Variants in PROM1 observed in about 807,000 individuals in gnomAD.
PROM1 encodes prominin-1.
A neutral mutation model predicts 116.9 loss-of-function variants in PROM1; 105 were observed. The observed-to-expected ratio is 0.90, with a 90% confidence interval of 0.77 to 1.06. The LOEUF (loss-of-function observed/expected upper bound fraction) is 1.06. Ranked by LOEUF, PROM1 falls within the 50% of genes least tolerant of loss-of-function variation. The pLI is 0.00. For missense variants in PROM1, 1,122 were observed against 1,045.2 expected (o/e 1.07, Z -1.01); for synonymous variants, 393 against 387.0 (o/e 1.02, Z -0.18).
chr4:16,065,800 G>A (rs1020843415), intron 2 of PROM1, among the ~76,000 whole-genome samples: 4 of 152,194 alleles, frequency 2.6e-5, no homozygotes, highest in African/African-American at 9.6e-5. Flanking sequence ...AGGCTGAATG[G>A]TGTTCCCCAA....
rs1213718394 is a variant in PROM1 at position 15,980,526 on chromosome 4, C to A, written c.2385G>T (p.Trp795Cys). The change falls in exon 24 of 28, where the codon TGG becomes TGT. Residue 795 changes from tryptophan to cysteine, a missense_variant. Physicochemically the swap from Trp to Cys is radical, Grantham distance 215 (BLOSUM62 -2). Coordinates refer to ENST00000447510, the MANE Select transcript of PROM1 (RefSeq NM_006017.3). Reference sequence around the variant, plus strand: ...ATACAGTAGCTTTTCCTATGCCAAACCAAAACAAATTCTAGGAAAAAAAAA... The same window carrying A: ...ATACAGTAGCTTTTCCTATGCCAAAACAAAACAAATTCTAGGAAAAAAAAA... ...SYIIDPLNLF[W>C]FGIGKATVFL... 6.5e-7 allele frequency: 1 copy of A among 1,529,126 alleles called. No individual in the cohort carries two copies. Among genetic ancestry groups the A allele is most frequent in the South Asian group, 1.2e-5 (1 of 82,152 alleles). 94.7% of individuals were successfully genotyped at this position (1,529,126 alleles called of 1,614,324 possible).
chr4:16,039,004 G>A lies in PROM1; in HGVS notation c.221-3C>T. On this transcript the variant is annotated splice_region_variant and splice_polypyrimidine_tract_variant and intron_variant, in intron 2 of 27. Transcript: ENST00000447510. ...CTGTAAGAATTTTCTCAAAGTATCT[G>A]GAAAAAAAGCCACAAAATAGCAATA... 1.0e-5 allele frequency: 15 copies of A among 1,469,906 alleles called. No individual in the cohort carries two copies. Among genetic ancestry groups the A allele is most frequent in the South Asian group, 7.7e-5 (5 of 65,206 alleles). 91.1% of individuals were successfully genotyped at this position (1,469,906 alleles called of 1,614,324 possible).
rs200422423 is a variant in PROM1, at chr4:16,013,288, C to T, written c.1128G>A (p.Thr376=). 1.4e-4 allele frequency: 231 copies of T among 1,607,834 alleles called. 1 individual carries two copies. The African/African-American group carries it at 2.4e-3, about 17-fold the overall frequency. ...TGTGAATCTCACCTGCTACGACAGT[C>T]GTGGTTTGGCGTTGTACTCTGTCAG... ...DIPDRVQRQT[T]TVVAGIKRVL... The change falls in exon 11 of 28, where the codon ACG becomes ACA. Residue 376 remains threonine (T), a synonymous_variant. Coordinates refer to ENST00000447510, the MANE Select transcript of PROM1 (RefSeq NM_006017.3).
At chr4:16,037,970 A>G (rs953096291) in intron 3 of PROM1, 2 of 152,170 alleles carry the variant, frequency 1.3e-5, no homozygotes, top group Non-Finnish European at 2.9e-5. Context: ...TCAGGCCCCA[A>G]CTTACCTTTT....
At chr4:16,025,406 G>A in intron 5 of PROM1, 94 bp from the exon 6 acceptor site, 1 of 1,472,236 alleles carries the variant, frequency 6.8e-7, no homozygotes, top group Non-Finnish European at 9.3e-7. Context: ...TCAGGGAGGA[G>A]CCCGCAGAAG....
At chr4:16,033,254 C>T (rs745814078) in intron 5 of PROM1, 50 bp downstream of exon 5, 25 of 1,472,176 alleles carry the variant, frequency 1.7e-5, no homozygotes, top group African/African-American at 7.0e-5. Context: ...ATGTGAGACA[C>T]TCTTCATCAG....
chr4:16,074,256 G>C (rs929537063), intron 2 of PROM1, among the ~76,000 whole-genome samples: 1 of 96,508 alleles, frequency 1.0e-5, no homozygotes, highest in Non-Finnish European at 2.6e-5. Context: ...TGTTTGAGGA[G>C]ATAGATACAC....
chr4:16,032,550 T>C (rs1012017631), intron 5 of PROM1, among the ~76,000 whole-genome samples: 1 of 152,218 alleles, frequency 6.6e-6, no homozygotes, highest in Non-Finnish European at 1.5e-5. Context: ...TGATTTCTGC[T>C]GCTGCATGAA....
At chr4:16,004,876 TCTCTCTCTCTCCCTCCCC>T (rs1560460770) in intron 13 of PROM1, among the ~76,000 whole-genome samples, 1 of 125,614 alleles carries the variant, frequency 8.0e-6, no homozygotes, top group Non-Finnish European at 1.7e-5. Flanking sequence ...TCTCTCCCTC[TCTCTCTCTCTCCCTCCCC>T]CTCTCTCTCT....
chr4:16,059,287 A>G (rs956032636), intron 2 of PROM1, among the ~76,000 whole-genome samples: 2 of 152,220 alleles, frequency 1.3e-5, no homozygotes, highest in African/African-American at 4.8e-5. Context: ...TTCCATGTAC[A>G]TAAAATAGAA....
intron 22 of PROM1, 106 bp downstream of exon 22, chr4:15,985,654 A>G: frequency 1.1e-6 from 1 of 912,462 alleles, no homozygotes; most frequent in Non-Finnish European, 1.7e-6. Flanking sequence ...CTTACTTCCT[A>G]CCAAATTATG....
At chr4:15,993,094 A>T (rs1721472552) in intron 16 of PROM1, among the ~76,000 whole-genome samples, 1 of 152,178 alleles carries the variant, frequency 6.6e-6, no homozygotes, top group South Asian at 2.1e-4. Flanking sequence ...ATATGTATGG[A>T]CTATTTAGGG....
intron 2 of PROM1, among the ~76,000 whole-genome samples, chr4:16,046,263 C>G (rs1407529849): frequency 6.6e-6 from 1 of 152,180 alleles, no homozygotes; most frequent in Non-Finnish European, 1.5e-5. Flanking sequence ...ATGTGGCCAC[C>G]AGCACTTTCT....
At chr4:15,996,411 G>A (rs1722345300) in intron 15 of PROM1, among the ~76,000 whole-genome samples, 4 of 152,160 alleles carry the variant, frequency 2.6e-5, no homozygotes, top group Admixed American at 2.6e-4. Context: ...TCAGGAGGCT[G>A]AGGCAGGAGA....
In PROM1 at chr4:15,980,457, G is replaced by C. The variant is rs147880953; in HGVS notation, c.2454C>G (p.Tyr818Ter). ...CGTCCTCCGAATCCATTCGACGATA[G>C]TACTTAGCCAGTTTTACCGCAAAAA... ...ALIFAVKLAK[Y>*]YRRMDSEDVY... The change falls in exon 24 of 28, where the codon TAC (tyrosine) becomes TAG (stop). Residue 818 changes from tyrosine to a stop codon, truncating the protein, a stop_gained. Transcript: ENST00000447510. LOFTEE classifies it high-confidence loss of function. 2 of 1,555,902 alleles carry C rather than the reference G, an allele frequency of 1.3e-6. No individual in the cohort carries two copies. The highest frequency in any genetic ancestry group is 4.8e-5 in the East Asian group (2 of 41,698).
chr4:16,033,579 CA>C (rs1733267056), intron 4 of PROM1, 70 bp from the exon 5 acceptor site: 1 of 337,506 alleles, frequency 3.0e-6, no homozygotes, highest in Admixed American at 6.2e-5. Context: ...CCATGGTGTA[CA>C]AAGTTCTTTT....
intron 5 of PROM1, among the ~76,000 whole-genome samples, chr4:16,031,581 T>C (rs1016768950): frequency 1.3e-5 from 2 of 151,304 alleles, no homozygotes; most frequent in South Asian, 4.2e-4. Flanking sequence ...GATCAAATGA[T>C]TTTTGGAGAC....
intron 8 of PROM1, among the ~76,000 whole-genome samples, chr4:16,020,669 C>A (rs111913433): frequency 0.051 from 7,802 of 152,138 alleles, 261 homozygotes; most frequent in Non-Finnish European, 0.081. Flanking sequence ...ACCACCACCA[C>A]CACCAACAAC....
At chr4:16,014,024 G>A (rs938529687) in intron 10 of PROM1, among the ~76,000 whole-genome samples, 24 of 152,226 alleles carry the variant, frequency 1.6e-4, no homozygotes, top group African/African-American at 1.4e-4. Context: ...AAAAACAACC[G>A]TGCCGAGCGA....
Sources: gnomAD v4.1 joint callset for allele counts (sites outside exome capture counted in the v4.1 genomes callset) on GRCh38, gnomAD v4.1.1 for gene constraint, MANE v1.5 for transcripts, NCBI Gene and HGNC (gene_info 2026-07-23, HGNC 2026-07-21) for gene names.